Variants in HEMK2 observed in about 807,000 individuals in gnomAD.
The protein encoded by HEMK2 is methyltransferase HEMK2.
chr21:28,627,282 G>C, the HEMK2 span, among the ~76,000 whole-genome samples: 2 of 152,172 alleles, frequency 1.3e-5, no homozygotes, highest in Non-Finnish European at 2.9e-5. Context: ...TTTTGATCAG[G>C]ACGGTGGTTA....
At chr21:28,615,585 C>A in the HEMK2 span, among the ~76,000 whole-genome samples, 1 of 151,834 alleles carries the variant, frequency 6.6e-6, no homozygotes, top group African/African-American at 2.4e-5. Flanking sequence ...TAAATTCTTG[C>A]CAAAAAAATA....
At chr21:28,683,013 T>C in the HEMK2 span, among the ~76,000 whole-genome samples, 5 of 151,746 alleles carry the variant, frequency 3.3e-5, no homozygotes, top group Non-Finnish European at 7.4e-5. Flanking sequence ...AACCTGCACG[T>C]TGTGCACGTT....
At chr21:28,734,467 T>C in the HEMK2 span, among the ~76,000 whole-genome samples, 1 of 152,206 alleles carries the variant, frequency 6.6e-6, no homozygotes, top group African/African-American at 2.4e-5. Flanking sequence ...AAAAGGTGAG[T>C]TGGTAAAATA....
At chr21:28,706,404 T>G in the HEMK2 span, among the ~76,000 whole-genome samples, 1 of 152,332 alleles carries the variant, frequency 6.6e-6, no homozygotes, top group East Asian at 1.9e-4. Context: ...CTCAATCAAA[T>G]GTCATTCATG....
chr21:28,627,710 T>C, the HEMK2 span, among the ~76,000 whole-genome samples: 2 of 152,182 alleles, frequency 1.3e-5, no homozygotes, highest in Non-Finnish European at 2.9e-5. Flanking sequence ...ACTGACTTCC[T>C]AGAACTAAAT....
the HEMK2 span, among the ~76,000 whole-genome samples, chr21:28,818,196 C>A: frequency 6.6e-6 from 1 of 152,324 alleles, no homozygotes; most frequent in Admixed American, 6.5e-5. Context: ...AAGGACTAGA[C>A]TGGCTGAGTC....
the HEMK2 span, among the ~76,000 whole-genome samples, chr21:28,774,634 T>C: frequency 6.6e-6 from 1 of 152,286 alleles, no homozygotes; most frequent in East Asian, 1.9e-4. Flanking sequence ...CTATTCAGAC[T>C]TCCCTTGAAA....
the HEMK2 span, among the ~76,000 whole-genome samples, chr21:28,708,224 C>CA: frequency 1.4e-3 from 202 of 148,264 alleles, 1 homozygote; most frequent in Non-Finnish European, 2.3e-3. Flanking sequence ...TTAATGTAGT[C>CA]AAAAAAAAAA....
chr21:28,737,323 C>A, the HEMK2 span, among the ~76,000 whole-genome samples: 1 of 152,134 alleles, frequency 6.6e-6, no homozygotes, highest in African/African-American at 2.4e-5. Context: ...TGGGGTTTCA[C>A]CATATTGGCC....
the HEMK2 span, among the ~76,000 whole-genome samples, chr21:28,720,692 C>T: frequency 4.6e-5 from 7 of 152,142 alleles, no homozygotes; most frequent in Non-Finnish European, 7.4e-5. Flanking sequence ...GAGATTGCGC[C>T]ACTGCACTCC....
chr21:28,873,320 G>C, the HEMK2 span: 3 of 152,188 alleles, frequency 2.0e-5, no homozygotes, highest in Non-Finnish European at 4.4e-5. Flanking sequence ...TTATGTTACA[G>C]AATAAGGAAA....
chr21:28,879,666 T>C, the HEMK2 span, among the ~76,000 whole-genome samples: 11 of 152,222 alleles, frequency 7.2e-5, no homozygotes, highest in African/African-American at 1.9e-4. Flanking sequence ...TTTTTAGGGA[T>C]AGATATGTGT....
chr21:28,788,364 C>G, the HEMK2 span, among the ~76,000 whole-genome samples: 11 of 151,490 alleles, frequency 7.3e-5, no homozygotes, highest in Admixed American at 5.9e-4. Context: ...AATGAATTAA[C>G]AGCATTGCAG....
chr21:28,753,326 C>A, the HEMK2 span, among the ~76,000 whole-genome samples: 1 of 147,748 alleles, frequency 6.8e-6, no homozygotes, highest in African/African-American at 2.5e-5. Context: ...CACTGCACTC[C>A]AGCCTGGGCA....
chr21:28,747,484 T>A, the HEMK2 span, among the ~76,000 whole-genome samples: 1 of 152,166 alleles, frequency 6.6e-6, no homozygotes, highest in African/African-American at 2.4e-5. Context: ...ATTTGGGGGA[T>A]CCTGTGCAGA....
the HEMK2 span, chr21:28,876,458 A>C: frequency 6.2e-7 from 1 of 1,608,304 alleles, no homozygotes; most frequent in Non-Finnish European, 8.5e-7. Flanking sequence ...GGTTCCTTGC[A>C]GACCTTTTGT....
At chr21:28,739,609 G>C in the HEMK2 span, among the ~76,000 whole-genome samples, 1 of 152,218 alleles carries the variant, frequency 6.6e-6, no homozygotes, top group Non-Finnish European at 1.5e-5. Context: ...TCACCCTCCA[G>C]AGCAGGGTGC....
At chr21:28,862,890 G>T in the HEMK2 span, among the ~76,000 whole-genome samples, 1 of 152,172 alleles carries the variant, frequency 6.6e-6, no homozygotes. Context: ...GTCGGGGATT[G>T]GTGCGTTTCT....
At chr21:28,871,727 G>T in the HEMK2 span, among the ~76,000 whole-genome samples, 1 of 152,142 alleles carries the variant, frequency 6.6e-6, no homozygotes, top group Non-Finnish European at 1.5e-5. Flanking sequence ...TTGAGGCTAG[G>T]TGTCTGAAAT....
Sources: gnomAD v4.1 joint callset for allele counts (sites outside exome capture counted in the v4.1 genomes callset) on GRCh38, gnomAD v4.1.1 for gene constraint, MANE v1.5 for transcripts, NCBI Gene and HGNC (gene_info 2026-07-23, HGNC 2026-07-21) for gene names.